The following RAD51B variants were observed in gnomAD, a reference collection of about 807,000 sequenced individuals.
RAD51B encodes RAD51 paralog B.
In RAD51B, 38 loss-of-function variants were observed where a neutral mutation model predicts 42.2. The observed-to-expected ratio is 0.90, with a 90% CI of 0.70 to 1.18. The LOEUF (loss-of-function observed/expected upper bound fraction) is 1.18. Ranked by LOEUF, RAD51B falls within the 50% of genes most tolerant of loss-of-function variation. The pLI, the probability that RAD51B is intolerant of heterozygous loss-of-function variation, is 0.00. For missense variants in RAD51B, 373 were observed against 400.7 expected, an observed-to-expected ratio of 0.93 and a Z score of 0.59; for synonymous variants, 154 against 145.2, an observed-to-expected ratio of 1.06 and a Z score of -0.43.
chr14:68,151,130 G>C lies in RAD51B; in HGVS notation c.757-140754G>C, dbSNP rs1235508707. The stretch of plus-strand genomic sequence containing the variant: ...GAATTATTTTAGCTTTTGTTTATCT[G>C]AGAGGTCTTTATTTTACCTTTGTTT... On this transcript the variant is annotated intron_variant, in intron 7 of 10. Transcript: ENST00000471583. 2.0e-5 allele frequency among the ~76,000 whole-genome samples: 3 copies of C among 151,856 alleles called. No individual in the cohort carries two copies. The South Asian group carries it at 6.2e-4, about 32-fold the overall frequency.
chr14:68,128,844 A>AT (rs1356624878), intron 7 of RAD51B, among the ~76,000 whole-genome samples: 4 of 152,224 alleles, frequency 2.6e-5, no homozygotes, highest in African/African-American at 9.6e-5. Context: ...TCTCTATTTT[A>AT]AAAGAGTTAA....
At chr14:68,510,547 G>A (rs111254893) in intron 10 of RAD51B, among the ~76,000 whole-genome samples, 1 of 152,176 alleles carries the variant, frequency 6.6e-6, no homozygotes, top group African/African-American at 2.4e-5. Flanking sequence ...GGCTGGTTGT[G>A]TGTCTGTAAT....
intron 7 of RAD51B, among the ~76,000 whole-genome samples, chr14:67,932,812 C>A (rs1330637101): frequency 1.3e-5 from 2 of 152,090 alleles, no homozygotes; most frequent in Non-Finnish European, 2.9e-5. Context: ...CCCATGTTCA[C>A]GTATGAGTCT....
chr14:67,968,456 T>A (rs1225991269), intron 7 of RAD51B, among the ~76,000 whole-genome samples: 1 of 152,238 alleles, frequency 6.6e-6, no homozygotes, highest in Non-Finnish European at 1.5e-5. Context: ...GGAATGCTTT[T>A]AACAGCACCC....
chr14:68,159,069 C>T (rs1262415839), intron 7 of RAD51B, among the ~76,000 whole-genome samples: 1 of 151,838 alleles, frequency 6.6e-6, no homozygotes, highest in Non-Finnish European at 1.5e-5. Context: ...AACAGGGAAA[C>T]TAATGCTCCC....
At chr14:68,465,724 G>A (rs879414910) in intron 9 of RAD51B, among the ~76,000 whole-genome samples, 12 of 151,942 alleles carry the variant, frequency 7.9e-5, no homozygotes, top group East Asian at 3.9e-4. Flanking sequence ...GGCGGATCAC[G>A]AGGTCAGGAG....
chr14:68,247,321 C>T (rs191996349), intron 7 of RAD51B, among the ~76,000 whole-genome samples: 245 of 151,614 alleles, frequency 1.6e-3, no homozygotes, highest in African/African-American at 5.7e-3. Flanking sequence ...TAGTCTATCA[C>T]GGATTTTGAA....
chr14:67,849,996 C>A (rs957665655), intron 4 of RAD51B, among the ~76,000 whole-genome samples: 1 of 152,122 alleles, frequency 6.6e-6, no homozygotes, highest in Non-Finnish European at 1.5e-5. Context: ...TAGGTGTTGG[C>A]ACTTCTAAAT....
intron 7 of RAD51B, among the ~76,000 whole-genome samples, chr14:68,262,777 A>G (rs1397635302): frequency 6.6e-6 from 1 of 152,206 alleles, no homozygotes; most frequent in Non-Finnish European, 1.5e-5. Context: ...CTGAAGACAC[A>G]CGGACTCAGA....
At chr14:68,118,185 C>A (rs1227166468) in intron 7 of RAD51B, among the ~76,000 whole-genome samples, 1 of 152,142 alleles carries the variant, frequency 6.6e-6, no homozygotes, top group Non-Finnish European at 1.5e-5. Context: ...TTCCATATAT[C>A]CTTCACCCAG....
chr14:68,256,705 C>A (rs1017941891), intron 7 of RAD51B, among the ~76,000 whole-genome samples: 1 of 152,140 alleles, frequency 6.6e-6, no homozygotes, highest in South Asian at 2.1e-4. Flanking sequence ...AGGTTAAATC[C>A]CACCTCCTTC....
chr14:68,031,565 C>A (rs1046118374), intron 7 of RAD51B, among the ~76,000 whole-genome samples: 19 of 152,054 alleles, frequency 1.2e-4, no homozygotes, highest in African/African-American at 4.1e-4. Flanking sequence ...TTGCCACAAA[C>A]CTTCAATTTG....
intron 10 of RAD51B, among the ~76,000 whole-genome samples, chr14:68,632,874 C>T (rs1160151464): frequency 1.3e-4 from 20 of 151,722 alleles, no homozygotes; most frequent in Non-Finnish European, 5.9e-5. Flanking sequence ...CACCCAGGCT[C>T]AAGTGATCCT....
intron 8 of RAD51B, among the ~76,000 whole-genome samples, chr14:68,310,265 T>C (rs2081944026): frequency 6.6e-6 from 1 of 152,164 alleles, no homozygotes; most frequent in South Asian, 2.1e-4. Context: ...TAAGATCAGA[T>C]ACCCTGCTCA....
chr14:68,425,331 G>A (rs545920096), intron 9 of RAD51B, among the ~76,000 whole-genome samples: 2 of 152,322 alleles, frequency 1.3e-5, no homozygotes, highest in African/African-American at 2.4e-5. Flanking sequence ...GCATACTTAA[G>A]TAGTAGTTTA....
At chr14:68,502,734 AATT>A (rs1885011312) in intron 10 of RAD51B, among the ~76,000 whole-genome samples, 6 of 152,142 alleles carry the variant, frequency 3.9e-5, no homozygotes, top group Admixed American at 6.5e-5. Flanking sequence ...TCGGAAGCTT[AATT>A]TAAAGTGTGT....
intron 9 of RAD51B, among the ~76,000 whole-genome samples, chr14:68,461,198 CATTTGTA>C (rs1317461342): frequency 2.0e-5 from 3 of 152,122 alleles, no homozygotes; most frequent in South Asian, 4.2e-4. Flanking sequence ...GAAGAGGTGA[CATTTGTA>C]TTTAGACTTT....
Position 68,544,257 on chromosome 14 carries a change from G to A in RAD51B, c.1037-50228G>A, listed in dbSNP as rs970133056. Among the ~76,000 whole-genome samples the A allele has an allele frequency of 2.8e-4, 42 of 152,274 alleles. No individual in the cohort carries two copies. The Middle Eastern group carries it at 0.02, about 74-fold the overall frequency. ...ACTGTTTTGTTTGACTCTGAAGGCC[G>A]CCTACGCATACTTGCTGCTGGAGGA... On this transcript the variant is annotated intron_variant, in intron 10 of 10. Coordinates refer to the RAD51B transcript ENST00000487270.
intron 7 of RAD51B, among the ~76,000 whole-genome samples, chr14:68,123,327 A>C (rs1186242468): frequency 6.6e-6 from 1 of 151,736 alleles, no homozygotes; most frequent in African/African-American, 2.4e-5. Context: ...AGCTGGGATC[A>C]TAGGCGTGTA....
Sources: gnomAD v4.1 joint callset for allele counts (sites outside exome capture counted in the v4.1 genomes callset) on GRCh38, gnomAD v4.1.1 for gene constraint, MANE v1.5 for transcripts, NCBI Gene and HGNC (gene_info 2026-07-23, HGNC 2026-07-21) for gene names.